The following SGCZ variants were observed in gnomAD, a reference collection of about 807,000 sequenced individuals.
SGCZ encodes sarcoglycan zeta, also known as zeta-sarcoglycan.
In SGCZ, 40 loss-of-function variants were observed where a neutral mutation model predicts 41.3. That is an observed-to-expected ratio of 0.97 (90% CI 0.75 to 1.26). The LOEUF is 1.26. Among genes scored for constraint, SGCZ ranks in the 50% most tolerant of loss-of-function variants. The pLI is 0.00. For synonymous variants in SGCZ, 206 were observed against 137.5 expected (o/e 1.50, Z -3.49); for missense variants, 552 against 369.8 (o/e 1.49, Z -4.04).
intron 2 of SGCZ, among the ~76,000 whole-genome samples, chr8:14,375,656 T>C (rs1585422442): frequency 6.6e-6 from 1 of 152,120 alleles, no homozygotes; most frequent in Non-Finnish European, 1.5e-5. Flanking sequence ...AACATATATA[T>C]GAAAGTTACA....
At position 15,029,602 on chromosome 8, in the gene SGCZ, A is replaced by G. The variant is rs561483031; in HGVS notation, c.39+207983T>C. Reference sequence around the variant, plus strand: ...GAATATTTAACAATGTATGTTAAATAAATTTTGTTCCCTTTACTCATAAGG... The same window carrying G: ...GAATATTTAACAATGTATGTTAAATGAATTTTGTTCCCTTTACTCATAAGG... On this transcript the variant is annotated intron_variant, in intron 1 of 7. Transcript: ENST00000382080. 1.1e-4 allele frequency among the ~76,000 whole-genome samples: 17 copies of G among 152,256 alleles called. No individual in the cohort carries two copies. The South Asian group carries it at 1.7e-3, about 15-fold the overall frequency.
At chr8:14,662,582 A>G (rs866273826) in intron 1 of SGCZ, among the ~76,000 whole-genome samples, 2 of 152,306 alleles carry the variant, frequency 1.3e-5, no homozygotes, top group South Asian at 2.1e-4. Context: ...AGGTTGTTTA[A>G]CCTGACTGGG....
At chr8:14,630,136 A>G (rs545068288) in intron 1 of SGCZ, among the ~76,000 whole-genome samples, 150 of 152,210 alleles carry the variant, frequency 9.9e-4, no homozygotes, top group Middle Eastern at 3.4e-3. Context: ...ACTTCTCCCT[A>G]TGAAAGCAAA....
At chr8:14,259,953 T>C (rs1026005176) in intron 3 of SGCZ, among the ~76,000 whole-genome samples, 1 of 152,224 alleles carries the variant, frequency 6.6e-6, no homozygotes, top group Admixed American at 6.5e-5. Context: ...GCATGGAATG[T>C]TAATTTCCAT....
chr8:14,617,033 G>C (rs944986163), intron 1 of SGCZ, among the ~76,000 whole-genome samples: 3 of 151,920 alleles, frequency 2.0e-5, no homozygotes, highest in Non-Finnish European at 4.4e-5. Context: ...GGGTAATTCA[G>C]ATATTAGGAA....
intron 2 of SGCZ, among the ~76,000 whole-genome samples, chr8:14,368,813 C>T (rs549315430): frequency 4.6e-5 from 7 of 152,078 alleles, no homozygotes; most frequent in African/African-American, 1.7e-4. Context: ...GGCCAAAAAA[C>T]ATCTGGTATA....
intron 3 of SGCZ, among the ~76,000 whole-genome samples, chr8:14,251,087 G>C (rs1374794774): frequency 6.6e-6 from 1 of 152,066 alleles, no homozygotes; most frequent in East Asian, 1.9e-4. Context: ...AATTAGCCGG[G>C]TGCAGTGGTA....
chr8:15,012,546 G>T (rs955214397), intron 1 of SGCZ, among the ~76,000 whole-genome samples: 92 of 73,196 alleles, frequency 1.3e-3, no homozygotes, highest in Admixed American at 2.3e-3. Context: ...ATAAAAATAT[G>T]AATATTTATA....
At chr8:14,121,059 A>G (rs534207666) in intron 5 of SGCZ, among the ~76,000 whole-genome samples, 28 of 152,130 alleles carry the variant, frequency 1.8e-4, no homozygotes, top group African/African-American at 5.3e-4. Context: ...TACTAAGTCA[A>G]TGTGACTGTG....
At chr8:14,449,665 G>A (rs766123190) in intron 2 of SGCZ, among the ~76,000 whole-genome samples, 8 of 152,034 alleles carry the variant, frequency 5.3e-5, no homozygotes, top group Admixed American at 1.3e-4. Flanking sequence ...GATAGACCCC[G>A]CTTGGCCTTT....
At chr8:14,859,867 G>C (rs568207522) in intron 1 of SGCZ, among the ~76,000 whole-genome samples, 2 of 152,274 alleles carry the variant, frequency 1.3e-5, no homozygotes, top group South Asian at 2.1e-4. Flanking sequence ...ATCTTGAATA[G>C]TGCCTGGCAT....
intron 1 of SGCZ, among the ~76,000 whole-genome samples, chr8:14,818,455 A>G (rs560748506): frequency 6.6e-6 from 1 of 152,292 alleles, no homozygotes; most frequent in East Asian, 1.9e-4. Context: ...TCGACACCAA[A>G]GAACCCATCC....
chr8:14,537,756 G>A (rs1294663868), intron 2 of SGCZ, among the ~76,000 whole-genome samples: 2 of 151,766 alleles, frequency 1.3e-5, no homozygotes. Context: ...GGTTTGTACA[G>A]GGAAATTGCT....
intron 1 of SGCZ, among the ~76,000 whole-genome samples, chr8:15,040,152 T>G (rs1011445471): frequency 6.6e-6 from 1 of 152,198 alleles, no homozygotes; most frequent in African/African-American, 2.4e-5. Flanking sequence ...CATGGAGAGA[T>G]CTAATAGTAC....
At chr8:14,772,794 A>C (rs561606601) in intron 1 of SGCZ, among the ~76,000 whole-genome samples, 2 of 152,038 alleles carry the variant, frequency 1.3e-5, no homozygotes, top group African/African-American at 4.8e-5. Context: ...TCCATGGTGT[A>C]TATGTGCCAC....
At chr8:15,228,430 T>A (rs1345938738) in intron 1 of SGCZ, among the ~76,000 whole-genome samples, 1 of 152,154 alleles carries the variant, frequency 6.6e-6, no homozygotes, top group African/African-American at 2.4e-5. Context: ...TTTAAGAAAC[T>A]TGATGAGATG....
chr8:14,340,617 G>T (rs1366659113), intron 2 of SGCZ, among the ~76,000 whole-genome samples: 1 of 151,940 alleles, frequency 6.6e-6, no homozygotes, highest in Non-Finnish European at 1.5e-5. Flanking sequence ...CACTGAGGTT[G>T]AAAAAATGAG....
chr8:15,116,867 T>C (rs895712158), intron 1 of SGCZ, among the ~76,000 whole-genome samples: 1 of 152,170 alleles, frequency 6.6e-6, no homozygotes, highest in Non-Finnish European at 1.5e-5. Context: ...CAACTCGGTG[T>C]TCTAGAAATG....
chr8:14,447,427 G>C (rs574263067), intron 2 of SGCZ, among the ~76,000 whole-genome samples: 1 of 152,188 alleles, frequency 6.6e-6, no homozygotes, highest in African/African-American at 2.4e-5. Context: ...CCCAGGCATA[G>C]TGATTTATTA....
Sources: allele counts gnomAD v4.1 joint callset (sites outside exome capture counted in the v4.1 genomes callset), GRCh38; gene constraint gnomAD v4.1.1; transcripts MANE v1.5; gene names NCBI Gene and HGNC (gene_info 2026-07-23, HGNC 2026-07-21).